The following ASB5 variants were observed in gnomAD, a reference collection of about 807,000 sequenced individuals.
ASB5 encodes ankyrin repeat and SOCS box containing 5, also known as ankyrin repeat and SOCS box protein 5.
Under a neutral mutation model 42.1 loss-of-function variants are expected in ASB5, and 45 were observed. That is an observed-to-expected ratio of 1.07 (90% confidence interval 0.84 to 1.37). The LOEUF (loss-of-function observed/expected upper bound fraction) is 1.37. ASB5 is among the 40% of genes most tolerant of loss of function. ASB5 has a pLI of 0.00. For synonymous variants in ASB5, 147 were observed against 150.6 expected (o/e 0.98, Z 0.18); for missense variants, 402 against 399.8 (o/e 1.01, Z -0.05).
intron 1 of ASB5, among the ~76,000 whole-genome samples, chr4:176,258,292 G>A (rs976704552): frequency 1.6e-4 from 25 of 152,156 alleles, no homozygotes; most frequent in Admixed American, 3.9e-4. Flanking sequence ...CAACTTTCCT[G>A]AGATCACACA....
At position 176,241,068 on chromosome 4, in the gene ASB5, A is replaced by G. The variant is rs1753800775; in HGVS notation, c.197-15727T>C. Among the ~76,000 whole-genome samples, 5 of 152,332 alleles carry G rather than the reference A, an allele frequency of 3.3e-5. No individual in the cohort carries two copies. The South Asian group carries it at 1.0e-3, about 32-fold the overall frequency. ...AAACTCCTAGGATTATTTTGAAGCC[A>G]ATCTCAGTATATAATTTCATCCATA... On this transcript the variant is annotated intron_variant, in intron 1 of 6. Coordinates refer to ENST00000296525, the MANE Select transcript of ASB5 (RefSeq NM_080874.4).
At chr4:176,239,917 A>G (rs1753775013) in intron 1 of ASB5, among the ~76,000 whole-genome samples, 1 of 152,236 alleles carries the variant, frequency 6.6e-6, no homozygotes, top group South Asian at 2.1e-4. Flanking sequence ...TTGGAGGAAA[A>G]TGATATGGTT....
Position 176,222,785 on chromosome 4 carries a change from G to GT in ASB5, c.277-366dup, listed in dbSNP as rs1369736325. 5.3e-5 allele frequency among the ~76,000 whole-genome samples: 8 copies of GT among 152,106 alleles called. No individual in the cohort carries two copies. The South Asian group carries it at 8.3e-4, about 16-fold the overall frequency. On this transcript the variant is annotated intron_variant, in intron 2 of 6. Transcript: ENST00000296525. ...ACTAAAGACTTGTTGTTTTGTTTTT[G>GT]TTTTTGTTTTGAGATGGAGCCTCAC...
intron 1 of ASB5, among the ~76,000 whole-genome samples, chr4:176,235,816 T>C (rs1342216214): frequency 2.0e-5 from 3 of 151,860 alleles, no homozygotes; most frequent in Non-Finnish European, 4.4e-5. Context: ...TTTTAAATCA[T>C]AGCATGGGGG....
At chr4:176,237,316 G>A (rs1270844127) in intron 1 of ASB5, 12 of 985,750 alleles carry the variant, frequency 1.2e-5, no homozygotes, top group Non-Finnish European at 1.4e-5. Flanking sequence ...GAATACCCCA[G>A]CTAGCTTTTC....
chr4:176,225,437 A>T, intron 1 of ASB5, 96 bp from the exon 2 acceptor site: 1 of 1,041,546 alleles, frequency 9.6e-7, no homozygotes, highest in South Asian at 1.4e-5. Flanking sequence ...CACATAAATT[A>T]TTCACACTCA....
chr4:176,239,354 G>T (rs1487119855), intron 1 of ASB5, among the ~76,000 whole-genome samples: 1 of 152,016 alleles, frequency 6.6e-6, no homozygotes, highest in East Asian at 1.9e-4. Flanking sequence ...AACAACAAAA[G>T]CTTTATGCTT....
chr4:176,224,571 C>T (rs552448552), intron 2 of ASB5, among the ~76,000 whole-genome samples: 71 of 150,886 alleles, frequency 4.7e-4, no homozygotes, highest in African/African-American at 1.7e-3. Context: ...TGGAGTTTCA[C>T]CATGTTGGCC....
At chr4:176,246,637 GTA>G (rs1167907317) in intron 1 of ASB5, among the ~76,000 whole-genome samples, 2 of 152,334 alleles carry the variant, frequency 1.3e-5, no homozygotes, top group African/African-American at 4.8e-5. Flanking sequence ...ACTCTCCTCA[GTA>G]TACTGAATGT....
At chr4:176,224,782 G>A (rs1056028513) in intron 2 of ASB5, among the ~76,000 whole-genome samples, 1 of 152,130 alleles carries the variant, frequency 6.6e-6, no homozygotes, top group Non-Finnish European at 1.5e-5. Flanking sequence ...TGGTGAGTCT[G>A]ATGAACAGGC....
At chr4:176,217,624 A>G (rs1005808558) in intron 5 of ASB5, among the ~76,000 whole-genome samples, 8 of 152,152 alleles carry the variant, frequency 5.3e-5, no homozygotes, top group Admixed American at 2.0e-4. Flanking sequence ...TCTGCATGAA[A>G]GGAAAGCTTT....
chr4:176,221,509 C>T lies in ASB5; in HGVS notation c.476G>A (p.Gly159Asp). The part of the protein sequence containing the change: ...PSCAELLLEY[G>D]AKAQLESCLP... Reference sequence around the variant, plus strand: ...ACATGACTCCAGCTGGGCTTTGGCACCATACTCCAGAAGCAGCTCTGCACA... The same window carrying T: ...ACATGACTCCAGCTGGGCTTTGGCATCATACTCCAGAAGCAGCTCTGCACA... The change falls in exon 4 of 7, where the codon GGT becomes GAT. Residue 159 changes from glycine (G) to aspartate (D), a missense_variant. Gly to Asp is a moderately conservative substitution (Grantham distance 94). Transcript: ENST00000296525. 1.9e-6 allele frequency: 3 copies of T among 1,614,124 alleles called. No individual in the cohort carries two copies. In the South Asian group the frequency reaches 3.3e-5, roughly 18 times the overall value.
chr4:176,217,061 C>A (rs1411986563), intron 5 of ASB5, 52 bp from the exon 6 acceptor site: 3 of 1,439,048 alleles, frequency 2.1e-6, no homozygotes, highest in African/African-American at 1.4e-5. Context: ...GTTAAATAAG[C>A]CAGCTGCCTC....
intron 1 of ASB5, among the ~76,000 whole-genome samples, chr4:176,227,742 G>A (rs34679497): frequency 0.16 from 23,894 of 152,114 alleles, 2,491 homozygotes; most frequent in Middle Eastern, 0.29. Flanking sequence ...CCTACCTGCA[G>A]TGACAACACT....
chr4:176,235,249 A>G (rs1753656126), intron 1 of ASB5, among the ~76,000 whole-genome samples: 1 of 152,252 alleles, frequency 6.6e-6, no homozygotes, highest in African/African-American at 2.4e-5. Context: ...GCAATACAGT[A>G]CTATTAACTA....
intron 1 of ASB5, among the ~76,000 whole-genome samples, chr4:176,264,544 T>C (rs1041300735): frequency 1.3e-5 from 2 of 152,184 alleles, no homozygotes; most frequent in African/African-American, 4.8e-5. Context: ...ATACATTAAA[T>C]AAATCAAATG....
At chr4:176,232,479 C>T (rs1753574995) in intron 1 of ASB5, among the ~76,000 whole-genome samples, 1 of 152,092 alleles carries the variant, frequency 6.6e-6, no homozygotes, top group African/African-American at 2.4e-5. Flanking sequence ...ACCATGAAGC[C>T]AGTGAAACCC....
intron 1 of ASB5, among the ~76,000 whole-genome samples, chr4:176,260,966 C>A (rs137857302): frequency 6.6e-6 from 1 of 152,158 alleles, no homozygotes; most frequent in Non-Finnish European, 1.5e-5. Flanking sequence ...TGAGCCACCA[C>A]GTCGGCAAGA....
At chr4:176,270,479 C>T (rs1754448801), upstream of ASB5, among the ~76,000 whole-genome samples, 1 of 151,978 alleles carries the variant, frequency 6.6e-6, no homozygotes, top group African/African-American at 2.4e-5. Context: ...ATAAATATGT[C>T]AAATAAAGCA....
Sources: allele counts gnomAD v4.1 joint callset (sites outside exome capture counted in the v4.1 genomes callset), GRCh38; gene constraint gnomAD v4.1.1; transcripts MANE v1.5; gene names NCBI Gene and HGNC (gene_info 2026-07-23, HGNC 2026-07-21).